The following GAREM1 variants were observed in gnomAD, a reference collection of about 807,000 sequenced individuals.
GAREM1 encodes the protein GRB2 associated regulator of MAPK1 subtype 1, also known as GRB2-associated and regulator of MAPK protein 1.
Under a neutral mutation model 71.3 loss-of-function variants are expected in GAREM1, and 26 were observed. That is an observed-to-expected ratio of 0.36 (90% CI 0.27 to 0.51). GAREM1 has a LOEUF of 0.51. Ranked by LOEUF, GAREM1 falls within the 20% of genes least tolerant of loss-of-function variation. GAREM1 has a pLI of 0.95. For synonymous variants in GAREM1, 440 were observed against 433.2 expected, an observed-to-expected ratio of 1.02 and a Z score of -0.20; for missense variants, 1,026 against 1,103.1, an observed-to-expected ratio of 0.93 and a Z score of 0.99.
chr18:32,386,087 T>C (rs889284277), intron 2 of GAREM1, among the ~76,000 whole-genome samples: 1 of 152,240 alleles, frequency 6.6e-6, no homozygotes, highest in Admixed American at 6.5e-5. Context: ...TTATTAGTTC[T>C]GAGGACTTTT....
At chr18:32,401,013 A>T (rs2048309589) in intron 1 of GAREM1, among the ~76,000 whole-genome samples, 2 of 152,358 alleles carry the variant, frequency 1.3e-5, no homozygotes, top group East Asian at 3.9e-4. Context: ...GGATGAGTTC[A>T]TGTTCTTTGT....
At chr18:32,432,561 A>T (rs1252711810) in intron 1 of GAREM1, among the ~76,000 whole-genome samples, 1 of 152,188 alleles carries the variant, frequency 6.6e-6, no homozygotes, top group Non-Finnish European at 1.5e-5. Context: ...TGGACTGACC[A>T]AGAACAAAAG....
At chr18:32,378,051 T>TGC (rs1468046801) in intron 2 of GAREM1, among the ~76,000 whole-genome samples, 1 of 146,930 alleles carries the variant, frequency 6.8e-6, no homozygotes, top group East Asian at 2.0e-4. Context: ...TGTGTGTGTG[T>TGC]GTGTGTGCGC....
At chr18:32,282,618 C>T (rs1054992822) in intron 4 of GAREM1, among the ~76,000 whole-genome samples, 5 of 151,782 alleles carry the variant, frequency 3.3e-5, no homozygotes, top group Non-Finnish European at 5.9e-5. Flanking sequence ...TCACTGTTGG[C>T]CAACTGGTCT....
chr18:32,308,717 ACTGAAAAAG>A (rs2047283007), intron 3 of GAREM1, among the ~76,000 whole-genome samples: 1 of 150,212 alleles, frequency 6.7e-6, no homozygotes, highest in Non-Finnish European at 1.5e-5. Flanking sequence ...TATTAGGGCC[ACTGAAAAAG>A]TTAAAAACGA....
chr18:32,451,574 T>C (rs2048841108), intron 1 of GAREM1, among the ~76,000 whole-genome samples: 2 of 152,182 alleles, frequency 1.3e-5, no homozygotes, highest in Admixed American at 1.3e-4. Context: ...TACCTTATAA[T>C]ATTTCCCACT....
At chr18:32,274,240 A>G (rs1360616611) in intron 4 of GAREM1, among the ~76,000 whole-genome samples, 1 of 152,182 alleles carries the variant, frequency 6.6e-6, no homozygotes, top group African/African-American at 2.4e-5. Flanking sequence ...TTATTGTACC[A>G]TCTTAGTTCC....
chr18:32,399,692 A>G (rs1434788110), intron 1 of GAREM1, among the ~76,000 whole-genome samples: 1 of 152,202 alleles, frequency 6.6e-6, no homozygotes, highest in Non-Finnish European at 1.5e-5. Flanking sequence ...CAAATGGAAG[A>G]ACATTCCATG....
At chr18:32,453,663 T>G (rs945233254) in intron 1 of GAREM1, among the ~76,000 whole-genome samples, 2 of 152,208 alleles carry the variant, frequency 1.3e-5, no homozygotes, top group African/African-American at 4.8e-5. Context: ...TAATCCAGAA[T>G]GAACTCCTCT....
At chr18:32,444,224 A>C (rs150664280) in intron 1 of GAREM1, among the ~76,000 whole-genome samples, 5 of 152,344 alleles carry the variant, frequency 3.3e-5, no homozygotes, top group African/African-American at 9.6e-5. Flanking sequence ...TATACTGAAA[A>C]ACTGAATTGT....
intron 1 of GAREM1, among the ~76,000 whole-genome samples, chr18:32,447,535 AT>A (rs139510091): frequency 0.016 from 2,361 of 152,214 alleles, 65 homozygotes; most frequent in African/African-American, 0.053. Flanking sequence ...TTAATGCAAC[AT>A]TTTCTTATCG....
At chr18:32,393,637 TTA>T (rs1159687334) in intron 1 of GAREM1, among the ~76,000 whole-genome samples, 1 of 152,314 alleles carries the variant, frequency 6.6e-6, no homozygotes, top group East Asian at 1.9e-4. Flanking sequence ...CTTTTAAATT[TTA>T]TGTTTGCCAA....
chr18:32,399,701 T>C (rs1278786801), intron 1 of GAREM1, among the ~76,000 whole-genome samples: 2 of 152,316 alleles, frequency 1.3e-5, no homozygotes, highest in African/African-American at 4.8e-5. Context: ...GAACATTCCA[T>C]GCTCATGGAT....
intron 1 of GAREM1, among the ~76,000 whole-genome samples, chr18:32,430,624 TA>T (rs1253378232): frequency 6.6e-6 from 1 of 152,210 alleles, no homozygotes; most frequent in African/African-American, 2.4e-5. Flanking sequence ...CTGAAGACTC[TA>T]AAAAGTACAC....
chr18:32,294,973 A>G (rs539562475), intron 3 of GAREM1, among the ~76,000 whole-genome samples: 1 of 152,278 alleles, frequency 6.6e-6, no homozygotes, highest in East Asian at 1.9e-4. Context: ...TAGTTTTCTA[A>G]AAGTTTCTAC....
At chr18:32,461,356 G>A (rs753159742) in intron 1 of GAREM1, among the ~76,000 whole-genome samples, 2 of 152,104 alleles carry the variant, frequency 1.3e-5, no homozygotes, top group African/African-American at 4.8e-5. Context: ...TGGGAGTAGG[G>A]GTACAGCAGG....
At chr18:32,457,388 G>A (rs2048906775) in intron 1 of GAREM1, among the ~76,000 whole-genome samples, 1 of 151,876 alleles carries the variant, frequency 6.6e-6, no homozygotes, top group Non-Finnish European at 1.5e-5. Context: ...GGGGAATGAA[G>A]ACTACAAATA....
At chr18:32,408,293 G>A (rs889073427) in intron 1 of GAREM1, among the ~76,000 whole-genome samples, 1 of 151,812 alleles carries the variant, frequency 6.6e-6, no homozygotes, top group Non-Finnish European at 1.5e-5. Flanking sequence ...CCTTACTTGT[G>A]TCTATTTACA....
Position 32,460,554 on chromosome 18 carries a change from C to T in GAREM1, c.121+9754G>A, listed in dbSNP as rs148667803. On this transcript the variant is annotated intron_variant, in intron 1 of 5. Coordinates refer to ENST00000269209, the MANE Select transcript of GAREM1 (RefSeq NM_001242409.2). The stretch of plus-strand genomic sequence containing the variant: ...TTCTTTTACCACCATGTAATGCTCC[C>T]GCACAGCATAAAAGGAAACTCATTG... 5.3e-3 allele frequency among the ~76,000 whole-genome samples: 812 copies of T among 152,240 alleles called. 4 individuals are homozygous for T. The highest frequency in any genetic ancestry group is 0.024 in the South Asian group (116 of 4,826).
Sources: gnomAD v4.1 joint callset for allele counts (sites outside exome capture counted in the v4.1 genomes callset) on GRCh38, gnomAD v4.1.1 for gene constraint, MANE v1.5 for transcripts, NCBI Gene and HGNC (gene_info 2026-07-23, HGNC 2026-07-21) for gene names.